POP4: variants seen among roughly 807,000 people sequenced by gnomAD.
POP4 encodes the protein POP4 ribonuclease P/MRP subunit.
In POP4, 31 loss-of-function variants were observed where a neutral mutation model predicts 29.9. The observed-to-expected ratio is 1.04, with a 90% CI of 0.78 to 1.40. POP4 has a LOEUF of 1.40. POP4 is among the 40% of genes most tolerant of loss of function. The pLI, the probability that POP4 is intolerant of heterozygous loss-of-function variation, is 0.00. For synonymous variants in POP4, 110 were observed against 108.2 expected, an observed-to-expected ratio of 1.02 and a Z score of -0.10; for missense variants, 286 against 282.7, an observed-to-expected ratio of 1.01 and a Z score of -0.08.
chr19:29,615,606 G>T lies in POP4; in HGVS notation c.*226G>T. On this transcript the variant is annotated 3_prime_UTR_variant, in exon 7 of 7. Coordinates refer to ENST00000585603, the MANE Select transcript of POP4 (RefSeq NM_006627.3). ...TCTTTCTAGGAGATTTTCATTTTGT[G>T]TGACTCCCATGGGGAGGAACAGACT... 1 of 457,086 alleles carries T rather than the reference G, an allele frequency of 2.2e-6. No individual in the cohort carries two copies. The highest frequency in any genetic ancestry group is 3.8e-6 in the Non-Finnish European group (1 of 260,644). 28.3% of individuals were successfully genotyped at this position (457,086 alleles called of 1,614,324 possible). A position where few individuals can be genotyped will look rare whatever the true frequency, so the allele number is the denominator to read the frequency against.
intron 1 of POP4, among the ~76,000 whole-genome samples, chr19:29,608,298 ACT>A (rs1420450688): frequency 8.8e-6 from 1 of 113,628 alleles, no homozygotes; most frequent in Non-Finnish European, 1.6e-5. Flanking sequence ...ACAGAGTCTC[ACT>A]CTGTCACCCA....
intron 1 of POP4, 37 bp downstream of exon 1, chr19:29,606,362 G>A (rs1970996362): frequency 5.0e-6 from 8 of 1,592,672 alleles, no homozygotes; most frequent in Non-Finnish European, 6.8e-6. Flanking sequence ...GGTTGGGGAC[G>A]TTAAGGGTCG....
intron 5 of POP4, 116 bp downstream of exon 5, chr19:29,612,294 G>T (rs1971078319): frequency 9.9e-7 from 1 of 1,005,306 alleles, no homozygotes; most frequent in East Asian, 2.5e-5. Flanking sequence ...GATTCCCTGA[G>T]ATGGCCCCCA....
intron 5 of POP4, 37 bp from the exon 6 acceptor site, chr19:29,613,834 A>T: frequency 6.3e-7 from 1 of 1,590,806 alleles, no homozygotes; most frequent in Non-Finnish European, 8.5e-7. Context: ...CCAGCACCAC[A>T]GAGGCCTGAG....
At position 29,610,475 on chromosome 19, in the gene POP4, A is replaced by AGCCCGCAG; in HGVS notation, c.134_141dup (p.Glu48ArgfsTer81). ...CCTGAAGCGCAGCACGCCCCGCATG[A>AGCCCGCAG]GCCCGCAGGCCCGCGAGGACCAGCT... On this transcript the variant is annotated frameshift_variant, in exon 3 of 7. Coordinates refer to ENST00000585603, the MANE Select transcript of POP4 (RefSeq NM_006627.3). LOFTEE classifies it high-confidence loss of function. The AGCCCGCAG allele has an allele frequency of 6.2e-7, 1 of 1,606,448 alleles. No homozygotes were observed. The highest frequency in any genetic ancestry group is 1.1e-5 in the South Asian group (1 of 90,020).
At chr19:29,614,043 A>G (rs1971104424) in intron 6 of POP4, 71 bp downstream of exon 6, 1 of 1,541,308 alleles carries the variant, frequency 6.5e-7, no homozygotes, top group South Asian at 1.3e-5. Flanking sequence ...CTTTTCCTCA[A>G]GGCTCCAAGA....
rs1971117550 is a variant in POP4, at chr19:29,615,323, T to A, written c.606T>A (p.Leu202=). 1.9e-6 allele frequency: 3 copies of A among 1,613,760 alleles called. No individual in the cohort carries two copies. Among genetic ancestry groups the A allele is most frequent in the Non-Finnish European group, 2.5e-6 (3 of 1,179,948 alleles). ...ISYIYGSKFQ[L]RSSERSAKKF... ...ACATTTACGGGAGCAAATTCCAGCT[T>A]CGGTCAAGTGAACGGTCTGCGAAGA... Residue 202 remains leucine, a synonymous_variant, in exon 7 of 7, where the codon CTT becomes CTA. Coordinates refer to ENST00000585603, the MANE Select transcript of POP4 (RefSeq NM_006627.3).
intron 1 of POP4, among the ~76,000 whole-genome samples, chr19:29,607,523 A>C (rs1346309484): frequency 5.3e-5 from 8 of 152,208 alleles, no homozygotes; most frequent in Non-Finnish European, 1.0e-4. Flanking sequence ...AAGTACAAGA[A>C]AGCTGGAATT....
Position 29,611,907 on chromosome 19 carries a change from C to T in POP4, c.330C>T (p.Ile110=). The change falls in exon 4 of 7, where the codon ATC becomes ATT. Residue 110 remains isoleucine, a synonymous_variant. Coordinates refer to ENST00000585603, the MANE Select transcript of POP4 (RefSeq NM_006627.3). ...TCCATGAACTCTGGAAACAGTACAT[C>T]AGGGACCTGTGCAGTGGGCTCAAGC... ...LPLHELWKQY[I]RDLCSGLKPD... is the part of the protein sequence containing the mutation. The T allele has an allele frequency of 6.2e-7, 1 of 1,614,194 alleles. No homozygotes were observed. The highest frequency in any genetic ancestry group is 1.7e-5 in the Admixed American group (1 of 60,022).
Position 29,616,446 on chromosome 19 carries a change from C to G in POP4, c.*1066C>G, listed in dbSNP as rs1209808278. On this transcript the variant is annotated 3_prime_UTR_variant, in exon 7 of 7. Transcript: ENST00000585603. ...GATCAGCAAGGCAAGGCCAGGAGCC[C>G]TCCTGGCGAAAGGCAGGCCACAAAT... is the stretch of plus-strand genomic sequence containing the variant. The G allele has an allele frequency of 6.6e-6, 1 of 152,268 alleles. No individual in the cohort carries two copies. Among genetic ancestry groups the G allele is most frequent in the African/African-American group, 2.4e-5 (1 of 41,444 alleles). The allele number at this position is 152,268 out of a possible 1,614,324, so 9.4% of individuals were successfully genotyped here.
At position 29,610,663 on chromosome 19, in the gene POP4, G is replaced by A. The variant is rs376347134; in HGVS notation, c.284+31G>A. 1.5e-4 allele frequency: 233 copies of A among 1,601,178 alleles called. 1 individual carries two copies. In the South Asian group the frequency reaches 1.8e-3, roughly 12 times the overall value. On this transcript the variant is annotated intron_variant, in intron 3 of 6. Transcript: ENST00000585603. ...CCGAGCTCCCCACGTCTTTCTGCCC[G>A]CGGTGCTTACCCTTCTTGGTGTGTG...
chr19:29,606,349 G>T (rs1357259952), intron 1 of POP4, 24 bp downstream of exon 1: 1 of 1,603,736 alleles, frequency 6.2e-7, no homozygotes, highest in Middle Eastern at 1.7e-4. Context: ...CGAAGTTGGA[G>T]AGGGTTGGGG....
rs1054711246 is a variant in POP4 at position 29,610,870 on chromosome 19, C to T, written c.284+238C>T. On this transcript the variant is annotated intron_variant, in intron 3 of 6. Transcript: ENST00000585603. ...TTCAGGAGTAAGACCCGTGCAAGTA[C>T]ATCTGTTGCCCATGGCAACAGGCTG... 17 of 536,838 alleles carry T rather than the reference C, an allele frequency of 3.2e-5. No homozygotes were observed. The Admixed American group carries it at 5.2e-4, about 17-fold the overall frequency. The allele number at this position is 536,838 out of a possible 1,614,324, so 33.3% of individuals were successfully genotyped here. A position where few individuals can be genotyped will look rare whatever the true frequency, so the allele number is the denominator to read the frequency against.
chr19:29,608,836 A>G (rs1183831265), intron 2 of POP4, 127 bp downstream of exon 2: 2 of 899,722 alleles, frequency 2.2e-6, no homozygotes, highest in African/African-American at 1.7e-5. Flanking sequence ...TCTGGCAGAC[A>G]TCTAAGGCTG....
chr19:29,612,276 A>T, intron 5 of POP4, 98 bp downstream of exon 5: 1 of 1,162,368 alleles, frequency 8.6e-7, no homozygotes, highest in South Asian at 1.5e-5. Flanking sequence ...CACACTCTTT[A>T]CCGTGTGGAT....
At chr19:29,606,374 G>C (rs1180664452) in intron 1 of POP4, 49 bp downstream of exon 1, 1 of 1,583,852 alleles carries the variant, frequency 6.3e-7, no homozygotes, top group Non-Finnish European at 8.6e-7. Flanking sequence ...TAAGGGTCGG[G>C]GTCTTGGTAC....
intron 4 of POP4, 69 bp downstream of exon 4, chr19:29,612,008 T>C: frequency 6.3e-7 from 1 of 1,590,296 alleles, no homozygotes; most frequent in Non-Finnish European, 8.6e-7. Context: ...TAAATGCGGC[T>C]TCAGGAACCA....
Position 29,608,669 on chromosome 19 carries a change from A to G in POP4, c.20A>G (p.His7Arg), listed in dbSNP as rs368711270. The change falls in exon 2 of 7, where the codon CAT becomes CGT. Residue 7 changes from histidine to arginine, a missense_variant. By Grantham distance (29) the His-to-Arg change is conservative (BLOSUM62 0). Transcript: ENST00000585603. ...TTTAATCCCCCAGGTGTGATCTACC[A>G]TGCATTGTCTCAGAAAGAGGCGAAT... MKSVIY[H>R]ALSQKEANDS... 6.2e-7 allele frequency: 1 copy of G among 1,613,952 alleles called. No homozygotes were observed. Among genetic ancestry groups the G allele is most frequent in the Non-Finnish European group, 8.5e-7 (1 of 1,179,874 alleles).
chr19:29,606,334 G>C lies in POP4; in HGVS notation c.7+9G>C. 6.2e-7 allele frequency: 1 copy of C among 1,606,258 alleles called. No homozygotes were observed. Among genetic ancestry groups the C allele is most frequent in the Middle Eastern group, 1.7e-4 (1 of 6,018 alleles). On this transcript the variant is annotated intron_variant, in intron 1 of 6. Coordinates refer to ENST00000585603, the MANE Select transcript of POP4 (RefSeq NM_006627.3). The stretch of plus-strand genomic sequence containing the variant: ...CGGTCCGAGAATGAAGAGTAAGCGG[G>C]GCCGCGAAGTTGGAGAGGGTTGGGG...
Sources: allele counts gnomAD v4.1 joint callset (sites outside exome capture counted in the v4.1 genomes callset), GRCh38; gene constraint gnomAD v4.1.1; transcripts MANE v1.5; gene names NCBI Gene and HGNC (gene_info 2026-07-23, HGNC 2026-07-21).